Variants in KMT2C observed in about 807,000 individuals in gnomAD.
KMT2C encodes the protein histone-lysine N-methyltransferase 2C.
In KMT2C, 88 loss-of-function variants were observed where a neutral mutation model predicts 507.9. The ratio of observed to expected loss-of-function variants is 0.17; its 90% CI spans 0.15 to 0.21. The LOEUF is 0.21. Ranked by LOEUF, KMT2C falls within the 10% of genes least tolerant of loss-of-function variation. The pLI is 1.00. For synonymous variants in KMT2C, 2,049 were observed against 2,080.8 expected, an observed-to-expected ratio of 0.98 and a Z score of 0.42; for missense variants, 4,954 against 5,957.8, an observed-to-expected ratio of 0.83 and a Z score of 5.55.
At chr7:152,410,065 C>T (rs528325143) in intron 1 of KMT2C, among the ~76,000 whole-genome samples, 86 of 152,320 alleles carry the variant, frequency 5.6e-4, no homozygotes, top group African/African-American at 2.0e-3. Flanking sequence ...GAATATAAAA[C>T]TTTTATGATT....
intron 2 of KMT2C, among the ~76,000 whole-genome samples, chr7:152,357,856 A>G (rs1421826069): frequency 6.6e-6 from 1 of 152,206 alleles, no homozygotes; most frequent in African/African-American, 2.4e-5. Context: ...ACAATTTTTA[A>G]TTTTTCTCAT....
intron 49 of KMT2C, among the ~76,000 whole-genome samples, chr7:152,152,134 A>G (rs542049692): frequency 6.6e-6 from 1 of 152,338 alleles, no homozygotes; most frequent in African/African-American, 2.4e-5. Flanking sequence ...AAGAGGAGGA[A>G]GCCAGGGCCT....
intron 1 of KMT2C, among the ~76,000 whole-genome samples, chr7:152,381,386 A>AT (rs1226621808): frequency 6.6e-6 from 1 of 152,048 alleles, no homozygotes; most frequent in Non-Finnish European, 1.5e-5. Flanking sequence ...GTGTGCTACT[A>AT]TATCTAGCGG....
intron 3 of KMT2C, among the ~76,000 whole-genome samples, chr7:152,327,890 G>A (rs2096843754): frequency 6.6e-6 from 1 of 150,868 alleles, no homozygotes; most frequent in Non-Finnish European, 1.5e-5. Flanking sequence ...CCCAGGAGGT[G>A]GAGCTTGCAG....
At chr7:152,394,026 A>AT (rs201581637) in intron 1 of KMT2C, among the ~76,000 whole-genome samples, 1,877 of 152,282 alleles carry the variant, frequency 0.012, 16 homozygotes, top group African/African-American at 0.043. Flanking sequence ...TGAACTACGA[A>AT]TCCTCTTTTT....
chr7:152,270,783 G>A lies in KMT2C; in HGVS notation c.1012+2922C>T, dbSNP rs2095950265. Among the ~76,000 whole-genome samples, 3 of 152,136 alleles carry A rather than the reference G, an allele frequency of 2.0e-5. No individual in the cohort carries two copies. The South Asian group carries it at 6.2e-4, about 32-fold the overall frequency. On this transcript the variant is annotated intron_variant, in intron 7 of 58. Transcript: ENST00000262189. ...GGTTAATGTATCCTTGTATCATCATGAAAATAATGTTGCAACAATGACCAG... is the reference window on the plus strand; with the variant it reads ...GGTTAATGTATCCTTGTATCATCATAAAAATAATGTTGCAACAATGACCAG...
rs757862414 is a variant in KMT2C, at chr7:152,151,454, G to T, written c.12654C>A (p.Thr4218=). 1 of 1,613,926 alleles carries T rather than the reference G, an allele frequency of 6.2e-7. No individual in the cohort carries two copies. The highest frequency in any genetic ancestry group is 1.1e-5 in the South Asian group (1 of 91,046). The change falls in exon 50 of 59, where the codon ACC becomes ACA. Residue 4218 remains threonine (T), a synonymous_variant. Coordinates refer to ENST00000262189, the MANE Select transcript of KMT2C (RefSeq NM_170606.3). ...AGTAGCAAAGTACCTTGTTCAAAAG[G>T]GTCAGATCTTTGAAAGATTTCCGCA... is the stretch of plus-strand genomic sequence containing the variant. ...SGVRKSFKDL[T]LLNKDSREST...
Position 152,149,162 on chromosome 7 carries a change from A to C in KMT2C, c.12775-10T>G. On this transcript the variant is annotated splice_polypyrimidine_tract_variant and intron_variant, in intron 51 of 58. Transcript: ENST00000262189. ...ATGAAGGAATGGATTCCTGGGCAACATAAAGAAACCATGACAAAGAAAAAT... is the reference window on the plus strand; with the variant it reads ...ATGAAGGAATGGATTCCTGGGCAACCTAAAGAAACCATGACAAAGAAAAAT... The C allele has an allele frequency of 6.9e-7, 1 of 1,453,442 alleles. No homozygotes were observed. Among genetic ancestry groups the C allele is most frequent in the South Asian group, 1.7e-5 (1 of 57,296 alleles). The allele number at this position is 1,453,442 out of a possible 1,614,324, so 90.0% of individuals were successfully genotyped here.
chr7:152,235,207 G>GTATGTGTATATATATATATATATATA (rs950086494), intron 16 of KMT2C, among the ~76,000 whole-genome samples: 1 of 142,424 alleles, frequency 7.0e-6, no homozygotes, highest in African/African-American at 2.7e-5. Flanking sequence ...TTTCAAGGGT[G>GTATGTGTATATATATATATATATATA]TATATATATA....
At chr7:152,223,639 C>A (rs1472230711) in intron 20 of KMT2C, among the ~76,000 whole-genome samples, 1 of 151,874 alleles carries the variant, frequency 6.6e-6, no homozygotes, top group Non-Finnish European at 1.5e-5. Flanking sequence ...ACTAAAAATA[C>A]AAAAATTAGC....
chr7:152,169,321 A>T, intron 40 of KMT2C, 72 bp from the exon 41 acceptor site: 1 of 821,832 alleles, frequency 1.2e-6, no homozygotes, highest in Non-Finnish European at 2.0e-6. Context: ...CTTTAAAAGA[A>T]AGAAAGAAAA....
intron 26 of KMT2C, among the ~76,000 whole-genome samples, chr7:152,201,617 GAAAAA>G (rs745427209): frequency 2.2e-4 from 5 of 22,874 alleles, no homozygotes; most frequent in Non-Finnish European, 3.8e-4. Context: ...CAACAAAGAT[GAAAAA>G]AAAAAAAAAA....
chr7:152,233,749 GATAGACAAA>G (rs1293249604), intron 16 of KMT2C, among the ~76,000 whole-genome samples: 2 of 152,168 alleles, frequency 1.3e-5, no homozygotes, highest in Admixed American at 1.3e-4. Flanking sequence ...AATTTGTCAA[GATAGACAAA>G]ATGAACAAAT....
At chr7:152,255,108 CTTATATATATATATATATATATAT>C (rs1476112412) in intron 9 of KMT2C, among the ~76,000 whole-genome samples, 2 of 60,678 alleles carry the variant, frequency 3.3e-5, no homozygotes, top group African/African-American at 7.0e-5. Context: ...TCAACTCTCA[CTTATATATATATATATATATATAT>C]ATATATATAT....
At chr7:152,431,086 G>A (rs1377245358) in intron 1 of KMT2C, among the ~76,000 whole-genome samples, 1 of 152,140 alleles carries the variant, frequency 6.6e-6, no homozygotes, top group African/African-American at 2.4e-5. Flanking sequence ...AACTGAAATA[G>A]TACGAAAATG....
chr7:152,276,710 G>A (rs969985277), intron 6 of KMT2C, among the ~76,000 whole-genome samples: 5 of 151,422 alleles, frequency 3.3e-5, no homozygotes, highest in Admixed American at 1.3e-4. Flanking sequence ...CTGTGATCAC[G>A]CTACTGCACT....
Position 152,183,946 on chromosome 7 carries a change from C to T in KMT2C, c.5083-790G>A, listed in dbSNP as rs536196595. Among the ~76,000 whole-genome samples the T allele has an allele frequency of 2.1e-3, 319 of 151,690 alleles. 3 individuals carry two copies. Among genetic ancestry groups the T allele is most frequent in the Middle Eastern group, 0.01 (3 of 292 alleles). ...AATCAGCCAGGCATGGTGGCACATGCCTGTAATCCCAGCTACTTGGGAGGC... is the reference window on the plus strand; with the variant it reads ...AATCAGCCAGGCATGGTGGCACATGTCTGTAATCCCAGCTACTTGGGAGGC... On this transcript the variant is annotated intron_variant, in intron 34 of 58. Coordinates refer to ENST00000262189, the MANE Select transcript of KMT2C (RefSeq NM_170606.3).
At chr7:152,176,109 CTAA>C (rs1445747005) in intron 38 of KMT2C, 79 bp downstream of exon 38, 4 of 1,296,358 alleles carry the variant, frequency 3.1e-6, no homozygotes, top group African/African-American at 1.5e-5. Flanking sequence ...AACTGTAATT[CTAA>C]TAATAAAATC....
At chr7:152,334,559 T>G (rs1024475504) in intron 2 of KMT2C, among the ~76,000 whole-genome samples, 1 of 152,120 alleles carries the variant, frequency 6.6e-6, no homozygotes, top group Non-Finnish European at 1.5e-5. Flanking sequence ...GAGACTTTAT[T>G]CCCCAACCCT....
Sources: allele counts gnomAD v4.1 joint callset (sites outside exome capture counted in the v4.1 genomes callset), GRCh38; gene constraint gnomAD v4.1.1; transcripts MANE v1.5; gene names NCBI Gene and HGNC (gene_info 2026-07-23, HGNC 2026-07-21).